Variants in ZFPM2 observed in about 807,000 individuals in gnomAD.
ZFPM2 encodes zinc finger protein, FOG family member 2, also known as zinc finger protein ZFPM2.
ZFPM2 carries 20 observed loss-of-function variants against 98.6 expected under a neutral mutation model. The ratio of observed to expected loss-of-function variants is 0.20; its 90% CI spans 0.14 to 0.29. The LOEUF is 0.29. Ranked by LOEUF, ZFPM2 falls within the 10% of genes least tolerant of loss-of-function variation. ZFPM2 has a pLI of 1.00. For missense variants in ZFPM2, 1,310 were observed against 1,388.6 expected (o/e 0.94, Z 0.90); for synonymous variants, 518 against 502.7 (o/e 1.03, Z -0.41).
chr8:105,674,814 T>C (rs1250010079), intron 5 of ZFPM2, among the ~76,000 whole-genome samples: 2 of 152,076 alleles, frequency 1.3e-5, no homozygotes, highest in African/African-American at 4.8e-5. Flanking sequence ...CATGGGTGCC[T>C]TTACTATGGT....
chr8:105,802,288 C>T lies in ZFPM2; in HGVS notation c.2206C>T (p.Arg736Cys), dbSNP rs371546027. ...VPAMQRTMRT[R>C]KRRKMYEMCL... is the part of the protein sequence containing the mutation. ...TGCCATGCAGAGAACCATGCGCACACGCAAGCGCAGAAAGATGTATGAGAT... is the reference window on the plus strand; with the variant it reads ...TGCCATGCAGAGAACCATGCGCACATGCAAGCGCAGAAAGATGTATGAGAT... The change falls in exon 8 of 8, where the codon CGC becomes TGC. Residue 736 changes from arginine (R) to cysteine (C), a missense_variant. Transcript: ENST00000407775. 3.5e-5 allele frequency: 56 copies of T among 1,613,800 alleles called. No individual in the cohort carries two copies. Among genetic ancestry groups the T allele is most frequent in the Admixed American group, 3.2e-4 (19 of 59,972 alleles).
At chr8:105,763,644 A>G (rs535798395) in intron 5 of ZFPM2, among the ~76,000 whole-genome samples, 2 of 151,972 alleles carry the variant, frequency 1.3e-5, no homozygotes, top group African/African-American at 4.8e-5. Flanking sequence ...CATTTTCCAG[A>G]TGAGGAAACT....
At chr8:105,380,929 A>AATATATAATATATAATATATATGT in intron 1 of ZFPM2, among the ~76,000 whole-genome samples, 1 of 105,468 alleles carries the variant, frequency 9.5e-6, no homozygotes, top group East Asian at 2.4e-4. Context: ...ATATATTATA[A>AATATATAATATATAATATATATGT]TATATATATT....
chr8:105,490,385 A>G (rs911343563), intron 3 of ZFPM2, among the ~76,000 whole-genome samples: 1 of 152,288 alleles, frequency 6.6e-6, no homozygotes, highest in African/African-American at 2.4e-5. Context: ...CATTTTTATA[A>G]TTTTTTAAAT....
intron 3 of ZFPM2, among the ~76,000 whole-genome samples, chr8:105,505,458 C>A (rs1813679920): frequency 6.6e-6 from 1 of 152,098 alleles, no homozygotes; most frequent in Admixed American, 6.6e-5. Flanking sequence ...TACATAGATA[C>A]AAACTCAAAA....
At chr8:105,521,036 A>T (rs1814043152) in intron 3 of ZFPM2, among the ~76,000 whole-genome samples, 1 of 152,018 alleles carries the variant, frequency 6.6e-6, no homozygotes, top group African/African-American at 2.4e-5. Flanking sequence ...GATGTAGCTA[A>T]AAGGATTAGG....
In ZFPM2 at chr8:105,788,693, T is replaced by C. The variant is rs1813495603; in HGVS notation, c.533-25T>C. ...ACTCAAGCATCCTATGTCAATTTTA[T>C]CTTTTTCTTTTTTCTTCTTAATAGG... On this transcript the variant is annotated intron_variant, in intron 5 of 7. Transcript: ENST00000407775. 3 of 1,610,654 alleles carry C rather than the reference T, an allele frequency of 1.9e-6. No homozygotes were observed. In the African/African-American group the frequency reaches 4.0e-5, roughly 22 times the overall value.
At chr8:105,712,933 C>T (rs1811438188) in intron 5 of ZFPM2, among the ~76,000 whole-genome samples, 1 of 151,924 alleles carries the variant, frequency 6.6e-6, no homozygotes, top group South Asian at 2.1e-4. Flanking sequence ...GTATATTCAC[C>T]ACAGATAGGC....
chr8:105,636,175 G>A (rs1163868677), intron 5 of ZFPM2, among the ~76,000 whole-genome samples: 1 of 152,142 alleles, frequency 6.6e-6, no homozygotes, highest in Non-Finnish European at 1.5e-5. Flanking sequence ...GGAACCATCT[G>A]AAAGATTTTG....
chr8:105,396,678 C>A (rs562283318), intron 1 of ZFPM2, among the ~76,000 whole-genome samples: 12 of 152,228 alleles, frequency 7.9e-5, no homozygotes, highest in African/African-American at 2.9e-4. Context: ...TCATGCTTTA[C>A]TTTTTATGTT....
At chr8:105,604,800 T>C (rs954680820) in intron 4 of ZFPM2, among the ~76,000 whole-genome samples, 33 of 152,104 alleles carry the variant, frequency 2.2e-4, no homozygotes, top group African/African-American at 7.7e-4. Flanking sequence ...GACTCTGTTA[T>C]TGTCTCTTTA....
intron 4 of ZFPM2, among the ~76,000 whole-genome samples, chr8:105,616,389 A>G (rs190694944): frequency 1.3e-5 from 2 of 152,282 alleles, no homozygotes; most frequent in Admixed American, 6.5e-5. Flanking sequence ...CTCCCCAGGA[A>G]CAATCTATTT....
chr8:105,353,446 T>C (rs568793626), intron 1 of ZFPM2, among the ~76,000 whole-genome samples: 1 of 152,326 alleles, frequency 6.6e-6, no homozygotes, highest in East Asian at 1.9e-4. Context: ...ATTTTTGTTG[T>C]TGTTGTTGTT....
intron 5 of ZFPM2, among the ~76,000 whole-genome samples, chr8:105,740,191 TTCTATCA>T (rs1359957403): frequency 6.6e-6 from 1 of 152,042 alleles, no homozygotes; most frequent in Non-Finnish European, 1.5e-5. Flanking sequence ...TACAGGTCTG[TTCTATCA>T]GAAATAAAAT....
chr8:105,524,414 T>G (rs13278590), intron 3 of ZFPM2, among the ~76,000 whole-genome samples: 51,453 of 151,866 alleles, frequency 0.34, 8,890 homozygotes, highest in Non-Finnish European at 0.37. Flanking sequence ...TTGCCTTATC[T>G]AATTTGTCAT....
intron 5 of ZFPM2, among the ~76,000 whole-genome samples, chr8:105,781,288 G>A (rs1443288430): frequency 6.9e-6 from 1 of 145,896 alleles, no homozygotes; most frequent in Non-Finnish European, 1.5e-5. Flanking sequence ...TGCAATTTAA[G>A]GAATTGGGAA....
intron 5 of ZFPM2, among the ~76,000 whole-genome samples, chr8:105,773,671 A>AT (rs1813035001): frequency 2.0e-5 from 3 of 151,016 alleles, no homozygotes; most frequent in African/African-American, 7.2e-5. Flanking sequence ...AAATAAAATA[A>AT]AAATAAATAA....
chr8:105,675,649 G>A (rs2130911873), intron 5 of ZFPM2, among the ~76,000 whole-genome samples: 1 of 152,198 alleles, frequency 6.6e-6, no homozygotes, highest in East Asian at 1.9e-4. Context: ...TCAGTCCTGG[G>A]AGGATAAAGG....
At chr8:105,353,806 T>A (rs1227291343) in intron 1 of ZFPM2, among the ~76,000 whole-genome samples, 2 of 152,210 alleles carry the variant, frequency 1.3e-5, no homozygotes, top group African/African-American at 4.8e-5. Flanking sequence ...TTGCTTAAAA[T>A]TTTTTAAAAG....
Sources: allele counts gnomAD v4.1 joint callset (sites outside exome capture counted in the v4.1 genomes callset), GRCh38; gene constraint gnomAD v4.1.1; transcripts MANE v1.5; gene names NCBI Gene and HGNC (gene_info 2026-07-23, HGNC 2026-07-21).